The following ESRRB variants were observed in gnomAD, a reference collection of about 807,000 sequenced individuals.
The protein encoded by ESRRB is estrogen related receptor beta.
Under a neutral mutation model 46.0 loss-of-function variants are expected in ESRRB, and 16 were observed. That is an observed-to-expected ratio of 0.35 (90% CI 0.24 to 0.53). The LOEUF (loss-of-function observed/expected upper bound fraction) is 0.53. Ranked by LOEUF, ESRRB falls within the 20% of genes least tolerant of loss-of-function variation. The probability of loss-of-function intolerance (pLI) is 0.93; values close to 1 mark genes in which losing one functional copy is unlikely to be tolerated. For missense variants in ESRRB, 488 were observed against 607.4 expected, an observed-to-expected ratio of 0.80 and a Z score of 2.07; for synonymous variants, 246 against 259.6, an observed-to-expected ratio of 0.95 and a Z score of 0.50.
upstream of ESRRB, among the ~76,000 whole-genome samples, chr14:76,369,371 C>T (rs1884565526): frequency 6.6e-6 from 1 of 150,772 alleles, no homozygotes; most frequent in Non-Finnish European, 1.5e-5. Context: ...GCCTCCCAGG[C>T]TCAAGCAATT....
intron 1 of ESRRB, among the ~76,000 whole-genome samples, chr14:76,319,483 C>A (rs887906294): frequency 6.6e-6 from 1 of 151,550 alleles, no homozygotes; most frequent in African/African-American, 2.4e-5. Flanking sequence ...GTCAGCCATC[C>A]ATGACTCTTC....
intron 5 of ESRRB, among the ~76,000 whole-genome samples, chr14:76,487,028 T>G (rs1023332638): frequency 6.6e-6 from 1 of 152,170 alleles, no homozygotes; most frequent in Non-Finnish European, 1.5e-5. Flanking sequence ...AATTAAGAGT[T>G]CCAAATTCCC....
At chr14:76,360,301 C>G (rs1884447243) in intron 1 of ESRRB, among the ~76,000 whole-genome samples, 1 of 152,114 alleles carries the variant, frequency 6.6e-6, no homozygotes, top group African/African-American at 2.4e-5. Context: ...CCTAGTGGAA[C>G]CACTGGATTT....
Position 76,482,923 on chromosome 14 carries a change from T to C in ESRRB, c.850+164T>C, listed in dbSNP as rs1889866062. Among the ~76,000 whole-genome samples the C allele has an allele frequency of 6.6e-6, 1 of 152,178 alleles. No individual in the cohort carries two copies. The highest frequency in any genetic ancestry group is 2.1e-4 in the South Asian group (1 of 4,834). ...GAGCTCCTCTTCTCTCCTTGTAGCA[T>C]TGGAGAGGAACAGGTAGTTAGAAGA... On this transcript the variant is annotated intron_variant, in intron 5 of 6. Coordinates refer to ENST00000644823, the MANE Select transcript of ESRRB (RefSeq NM_001379180.1). This position sits in a 1 kb window ranked among gnomAD's most constrained non-coding sequence, Gnocchi z 4.3.
At chr14:76,346,275 C>T (rs1884248801) in intron 1 of ESRRB, among the ~76,000 whole-genome samples, 1 of 152,192 alleles carries the variant, frequency 6.6e-6, no homozygotes, top group African/African-American at 2.4e-5. Flanking sequence ...AAAGCTGCTC[C>T]TCCAACTTCT....
intron 1 of ESRRB, among the ~76,000 whole-genome samples, chr14:76,380,017 G>A (rs1884945250): frequency 6.6e-6 from 1 of 152,124 alleles, no homozygotes; most frequent in Non-Finnish European, 1.5e-5. Context: ...AGGTGGCGGT[G>A]ACAGAGATTT....
At chr14:76,329,627 C>T (rs1243480457) in intron 1 of ESRRB, among the ~76,000 whole-genome samples, 14 of 152,078 alleles carry the variant, frequency 9.2e-5, no homozygotes, top group East Asian at 3.9e-4. Flanking sequence ...CCATGTAGCG[C>T]GGGCTCTCTT....
chr14:76,485,626 T>TGAGAGA (rs151021182), intron 5 of ESRRB, among the ~76,000 whole-genome samples: 2,048 of 143,836 alleles, frequency 0.014, 40 homozygotes, highest in African/African-American at 0.048. Context: ...TCCCTATCCC[T>TGAGAGA]GAGAGAGAGA....
rs138566813 is a variant in ESRRB at position 76,420,602 on chromosome 14, T to TGA, written c.51-18722_51-18721dup. On this transcript the variant is annotated intron_variant, in intron 1 of 6. Coordinates refer to ENST00000644823, the MANE Select transcript of ESRRB (RefSeq NM_001379180.1). The stretch of plus-strand genomic sequence containing the variant: ...GTGTGTGTGTGTGTGTGTTTGTGTA[T>TGA]GAGAGAGAGAGAGAGAGACAGAGAG... Among the ~76,000 whole-genome samples, 106 of 147,776 alleles carry TGA rather than the reference T, an allele frequency of 7.2e-4. 1 individual carries two copies. The highest frequency in any genetic ancestry group is 4.9e-3 in the Admixed American group (72 of 14,770).
intron 1 of ESRRB, among the ~76,000 whole-genome samples, chr14:76,340,682 T>C (rs1365987194): frequency 6.6e-6 from 1 of 152,206 alleles, no homozygotes; most frequent in Non-Finnish European, 1.5e-5. Flanking sequence ...TTCAGTATCA[T>C]CAAAGGCTAA....
chr14:76,374,105 G>A (rs536687759), upstream of ESRRB, among the ~76,000 whole-genome samples: 80 of 152,252 alleles, frequency 5.3e-4, no homozygotes, highest in Non-Finnish European at 1.1e-3. Flanking sequence ...TCAGCAGGCT[G>A]TGGCACCCCA....
Position 76,462,583 on chromosome 14 carries a change from G to A in ESRRB, c.499G>A (p.Glu167Lys), listed in dbSNP as rs375828536. The change falls in exon 3 of 7, where the codon GAG becomes AAG. Residue 167 changes from glutamate (E) to lysine (K), a missense_variant. Physicochemically the swap from Glu to Lys is moderately conservative, Grantham distance 56. Transcript: ENST00000644823. ...EYSCPATNECEITKRRRKSCQ... is the reference protein window; with the variant it reads ...EYSCPATNECKITKRRRKSCQ... ...CAGCTGCCCGGCCACCAACGAGTGC[G>A]AGATCACCAAACGGAGGCGCAAGTC... is the stretch of plus-strand genomic sequence containing the variant. The A allele has an allele frequency of 1.1e-5, 17 of 1,613,972 alleles. No individual in the cohort carries two copies. The highest frequency in any genetic ancestry group is 8.0e-5 in the African/African-American group (6 of 74,930).
At chr14:76,392,515 T>C (rs17104405) in intron 1 of ESRRB, among the ~76,000 whole-genome samples, 48,909 of 152,098 alleles carry the variant, frequency 0.32, 8,069 homozygotes, top group African/African-American at 0.36. Flanking sequence ...CCAGGATGCA[T>C]GTCCAAGTCT....
rs765737772 is a variant in ESRRB at position 76,498,231 on chromosome 14, G to T, written c.1138G>T (p.Asp380Tyr). The T allele has an allele frequency of 1.9e-6, 3 of 1,613,730 alleles. No individual in the cohort carries two copies. Among genetic ancestry groups the T allele is most frequent in the Non-Finnish European group, 2.5e-6 (3 of 1,180,024 alleles). ...LANSDSMYIE[D>Y]LEAVQKLQDL... Reference sequence around the variant, plus strand: ...GCCTGCAGATTCCATGTACATCGAGGATCTAGAGGCTGTCCAGAAGCTGCA... The same window carrying T: ...GCCTGCAGATTCCATGTACATCGAGTATCTAGAGGCTGTCCAGAAGCTGCA... Residue 380 changes from aspartate (D) to tyrosine (Y), a missense_variant, in exon 7 of 7, where the codon GAT (aspartate) becomes TAT (tyrosine). Coordinates refer to ENST00000644823, the MANE Select transcript of ESRRB (RefSeq NM_001379180.1).
intron 1 of ESRRB, among the ~76,000 whole-genome samples, chr14:76,420,560 T>TGTGTGTGTGA (rs749843112): frequency 4.1e-3 from 330 of 81,188 alleles, no homozygotes; most frequent in Middle Eastern, 0.011. Flanking sequence ...AGGGTGTGAG[T>TGTGTGTGTGA]GTGTGTGTGT....
chr14:76,435,421 G>A (rs1283803977), intron 1 of ESRRB, among the ~76,000 whole-genome samples: 1 of 152,340 alleles, frequency 6.6e-6, no homozygotes, highest in East Asian at 1.9e-4. Flanking sequence ...TCTTGAGATC[G>A]TGAGCTGTGC....
chr14:76,416,680 G>A (rs902518683), intron 1 of ESRRB, among the ~76,000 whole-genome samples: 1 of 151,588 alleles, frequency 6.6e-6, no homozygotes, highest in South Asian at 2.1e-4. Context: ...TGTTGGCCAG[G>A]CTGGTCTCGA....
intron 6 of ESRRB, among the ~76,000 whole-genome samples, chr14:76,492,887 C>T (rs1427229429): frequency 2.0e-5 from 3 of 152,190 alleles, no homozygotes; most frequent in African/African-American, 7.2e-5. Flanking sequence ...AGAGCTTCCA[C>T]ACTATTCAGG....
At chr14:76,415,718 G>C (rs374916952) in intron 1 of ESRRB, among the ~76,000 whole-genome samples, 44 of 152,104 alleles carry the variant, frequency 2.9e-4, no homozygotes, top group African/African-American at 1.0e-3. Context: ...TATTGCCCAG[G>C]CTGGTCTCAA....
Sources: allele counts gnomAD v4.1 joint callset (sites outside exome capture counted in the v4.1 genomes callset), GRCh38; gene constraint gnomAD v4.1.1; non-coding constraint Gnocchi (gnomAD v3.1); transcripts MANE v1.5; gene names NCBI Gene and HGNC (gene_info 2026-07-23, HGNC 2026-07-21).